NUDT21: variants seen among roughly 807,000 people sequenced by gnomAD.
The protein encoded by NUDT21 is cleavage and polyadenylation specificity factor subunit 5.
NUDT21 carries 5 observed loss-of-function variants against 29.8 expected under a neutral mutation model. The ratio of observed to expected loss-of-function variants is 0.17; its 90% CI spans 0.09 to 0.35. The LOEUF (loss-of-function observed/expected upper bound fraction) is 0.35, where lower values mean the gene tolerates loss of function less well. Ranked by LOEUF, NUDT21 falls within the 10% of genes least tolerant of loss-of-function variation. The probability of loss-of-function intolerance (pLI) is 1.00; values close to 1 mark genes in which losing one functional copy is unlikely to be tolerated. For synonymous variants in NUDT21, 113 were observed against 98.5 expected (o/e 1.15, Z -0.87); for missense variants, 76 against 276.0 (o/e 0.28, Z 5.13).
intron 4 of NUDT21, among the ~76,000 whole-genome samples, chr16:56,436,491 A>C (rs1267840154): frequency 6.6e-6 from 1 of 152,208 alleles, no homozygotes; most frequent in Non-Finnish European, 1.5e-5. Flanking sequence ...AGCCATCCCT[A>C]GGGTACAATG....
rs1962026109 is a variant in NUDT21, at chr16:56,430,851, G to C, written c.*1861C>G. ...CTCAACTAGGCCTTAGTGTATGGAT[G>C]ACTGGCTCACGTACTTACTGTATAT... is the stretch of plus-strand genomic sequence containing the variant. On this transcript the variant is annotated 3_prime_UTR_variant, in exon 7 of 7. Transcript: ENST00000300291. 1 of 152,238 alleles carries C rather than the reference G, an allele frequency of 6.6e-6. No individual in the cohort carries two copies. Among genetic ancestry groups the C allele is most frequent in the Non-Finnish European group, 1.5e-5 (1 of 68,032 alleles). 9.4% of individuals were successfully genotyped at this position (152,238 alleles called of 1,614,324 possible).
In NUDT21 at chr16:56,430,862, G is replaced by A. The variant is rs1472706359; in HGVS notation, c.*1850C>T. The A allele has an allele frequency of 4.6e-5, 7 of 152,254 alleles. No individual in the cohort carries two copies. The highest frequency in any genetic ancestry group is 4.1e-4 in the South Asian group (2 of 4,836). The allele number at this position is 152,254 out of a possible 1,614,324, so 9.4% of individuals were successfully genotyped here. The stretch of plus-strand genomic sequence containing the variant: ...CTTAGTGTATGGATGACTGGCTCAC[G>A]TACTTACTGTATATTGGGAAGAAGT... On this transcript the variant is annotated 3_prime_UTR_variant, in exon 7 of 7. Coordinates refer to ENST00000300291, the MANE Select transcript of NUDT21 (RefSeq NM_007006.3).
intron 3 of NUDT21, among the ~76,000 whole-genome samples, chr16:56,445,999 T>C (rs1289871488): frequency 6.6e-6 from 1 of 152,210 alleles, no homozygotes; most frequent in Non-Finnish European, 1.5e-5. Context: ...AGAGAATATA[T>C]GAGCTTTGTA....
Position 56,432,636 on chromosome 16 carries a change from C to A in NUDT21, c.*76G>T. On this transcript the variant is annotated 3_prime_UTR_variant, in exon 7 of 7. Coordinates refer to ENST00000300291, the MANE Select transcript of NUDT21 (RefSeq NM_007006.3). ...GATAAAACCAAAAAAACTTTTCTAC[C>A]ACATTTATTCTACACTGTATATAGC... The A allele has an allele frequency of 1.5e-6, 2 of 1,338,678 alleles. No homozygotes were observed. Among genetic ancestry groups the A allele is most frequent in the Non-Finnish European group, 2.0e-6 (2 of 981,398 alleles). 82.9% of individuals were successfully genotyped at this position (1,338,678 alleles called of 1,614,324 possible). A position where few individuals can be genotyped will look rare whatever the true frequency, so the allele number is the denominator to read the frequency against.
In NUDT21 at chr16:56,439,609, C is replaced by T. The variant is rs200917749; in HGVS notation, c.471+48G>A. 150 of 1,229,518 alleles carry T rather than the reference C, an allele frequency of 1.2e-4. No homozygotes were observed. In the African/African-American group the frequency reaches 1.9e-3, roughly 16 times the overall value. 76.2% of individuals were successfully genotyped at this position (1,229,518 alleles called of 1,614,324 possible). A position where few individuals can be genotyped will look rare whatever the true frequency, so the allele number is the denominator to read the frequency against. ...CTTTTTTAAAGTGGCTAGAATTAAA[C>T]GAGCTTTCTGCTTCCAAAATGCCCA... On this transcript the variant is annotated intron_variant, in intron 4 of 6. Coordinates refer to ENST00000300291, the MANE Select transcript of NUDT21 (RefSeq NM_007006.3).
At chr16:56,443,479 C>T (rs529442288) in intron 3 of NUDT21, among the ~76,000 whole-genome samples, 5 of 152,244 alleles carry the variant, frequency 3.3e-5, no homozygotes, top group African/African-American at 1.2e-4. Flanking sequence ...TGGCCCAGGA[C>T]TACATTATTT....
At chr16:56,448,415 TA>T (rs1962243106) in intron 1 of NUDT21, among the ~76,000 whole-genome samples, 1 of 152,246 alleles carries the variant, frequency 6.6e-6, no homozygotes, top group Non-Finnish European at 1.5e-5. Context: ...TTCTTTTTCC[TA>T]AAACTAAGCC....
chr16:56,437,230 T>C (rs1314531383), intron 4 of NUDT21, among the ~76,000 whole-genome samples: 1 of 152,162 alleles, frequency 6.6e-6, no homozygotes, highest in Non-Finnish European at 1.5e-5. Flanking sequence ...TTGGTTGATA[T>C]TTTGTGCAAT....
chr16:56,437,685 A>G (rs1180521325), intron 4 of NUDT21, among the ~76,000 whole-genome samples: 5 of 152,062 alleles, frequency 3.3e-5, no homozygotes. Flanking sequence ...CACAGGTGTA[A>G]AAAGATCAAT....
intron 3 of NUDT21, 143 bp downstream of exon 3, chr16:56,446,465 TTCAACTTGTAAAAAAAAA>T (rs1356271397): frequency 1.5e-5 from 8 of 524,904 alleles, no homozygotes; most frequent in Admixed American, 3.7e-5. Context: ...TAAGTGTAAC[TTCAACTTGTAAAAAAAAA>T]TCAACATTGT....
chr16:56,440,991 C>T (rs1487441356), intron 3 of NUDT21, among the ~76,000 whole-genome samples: 1 of 152,084 alleles, frequency 6.6e-6, no homozygotes, highest in Non-Finnish European at 1.5e-5. Context: ...CTGCCCACCT[C>T]ACTCTCCCAA....
chr16:56,438,330 G>A lies in NUDT21; in HGVS notation c.471+1327C>T, dbSNP rs145780151. On this transcript the variant is annotated intron_variant, in intron 4 of 6. Transcript: ENST00000300291. ...GCCTGAGAGTTGTCCTTTTAGAGAT[G>A]TTCTCATGGCAAGGAACTGAGGGAG... Among the ~76,000 whole-genome samples, 329 of 152,308 alleles carry A rather than the reference G, an allele frequency of 2.2e-3. 3 individuals carry two copies. The highest frequency in any genetic ancestry group is 7.5e-3 in the African/African-American group (312 of 41,558).
intron 4 of NUDT21, among the ~76,000 whole-genome samples, chr16:56,437,214 T>G (rs535707996): frequency 6.6e-6 from 1 of 152,258 alleles, no homozygotes; most frequent in East Asian, 1.9e-4. Context: ...AAGAACGATC[T>G]TTTGCTTGGT....
chr16:56,432,094 C>T lies in NUDT21; in HGVS notation c.*618G>A, dbSNP rs768571197. 1.3e-5 allele frequency: 2 copies of T among 152,152 alleles called. No individual in the cohort carries two copies. The highest frequency in any genetic ancestry group is 4.8e-5 in the African/African-American group (2 of 41,416). 9.4% of individuals were successfully genotyped at this position (152,152 alleles called of 1,614,324 possible). A position where few individuals can be genotyped will look rare whatever the true frequency, so the allele number is the denominator to read the frequency against. On this transcript the variant is annotated 3_prime_UTR_variant, in exon 7 of 7. Coordinates refer to ENST00000300291, the MANE Select transcript of NUDT21 (RefSeq NM_007006.3). ...TATACCAATTCCTATGACTACTGAT[C>T]GAGCCAATTTTAATAGTTTCCTGTA...
intron 4 of NUDT21, among the ~76,000 whole-genome samples, chr16:56,435,763 A>ATATATG (rs1423712279): frequency 2.2e-5 from 2 of 91,452 alleles, no homozygotes. Context: ...ATATATATAT[A>ATATATG]TATATATATA....
chr16:56,443,531 C>T (rs1260796881), intron 3 of NUDT21, among the ~76,000 whole-genome samples: 2 of 152,160 alleles, frequency 1.3e-5, no homozygotes, highest in African/African-American at 4.8e-5. Flanking sequence ...GGTTTGTCTC[C>T]CTGCCCCCAA....
chr16:56,437,702 C>T (rs1352066219), intron 4 of NUDT21, among the ~76,000 whole-genome samples: 1 of 152,098 alleles, frequency 6.6e-6, no homozygotes, highest in Non-Finnish European at 1.5e-5. Context: ...CAATAACATG[C>T]CCTGTCTTAC....
Position 56,446,707 on chromosome 16 carries a change from A to C in NUDT21, c.318-18T>G. The C allele has an allele frequency of 6.6e-7, 1 of 1,520,326 alleles. No individual in the cohort carries two copies. The allele number at this position is 1,520,326 out of a possible 1,614,324, so 94.2% of individuals were successfully genotyped here. A position where few individuals can be genotyped will look rare whatever the true frequency, so the allele number is the denominator to read the frequency against. On this transcript the variant is annotated intron_variant, in intron 2 of 6. Coordinates refer to ENST00000300291, the MANE Select transcript of NUDT21 (RefSeq NM_007006.3). Reference sequence around the variant, plus strand: ...CACCAGGTCTGTATAAAAGTTAAGAATTTCAGCTTTCAACTTAATACAATT... The same window carrying C: ...CACCAGGTCTGTATAAAAGTTAAGACTTTCAGCTTTCAACTTAATACAATT...
At chr16:56,434,607 G>T in intron 5 of NUDT21, 147 bp downstream of exon 5, 1 of 767,992 alleles carries the variant, frequency 1.3e-6, no homozygotes, top group Non-Finnish European at 2.2e-6. Context: ...CCTAGCCACA[G>T]ATTTGAAACT....
Sources: allele counts gnomAD v4.1 joint callset (sites outside exome capture counted in the v4.1 genomes callset), GRCh38; gene constraint gnomAD v4.1.1; transcripts MANE v1.5; gene names NCBI Gene and HGNC (gene_info 2026-07-23, HGNC 2026-07-21).